The following UST variants were observed in gnomAD, a reference collection of about 807,000 sequenced individuals.
UST encodes chondroitin sulfate 2-O-sulfotransferase.
Under a neutral mutation model 45.6 loss-of-function variants are expected in UST, and 21 were observed. The observed-to-expected ratio is 0.46, with a 90% CI of 0.33 to 0.66. The LOEUF is 0.66. UST is among the 30% of genes least tolerant of loss of function. The probability of loss-of-function intolerance (pLI) is 0.02; values close to 1 mark genes in which losing one functional copy is unlikely to be tolerated. For missense variants in UST, 463 were observed against 512.4 expected (o/e 0.90, Z 0.93); for synonymous variants, 215 against 200.6 (o/e 1.07, Z -0.61).
chr6:148,948,400 G>T (rs949983834), intron 3 of UST, among the ~76,000 whole-genome samples: 1 of 152,314 alleles, frequency 6.6e-6, no homozygotes, highest in Admixed American at 6.5e-5. Context: ...AAGAAGTCAG[G>T]AGCAAAGTCT....
intron 5 of UST, among the ~76,000 whole-genome samples, chr6:148,993,378 GAA>G (rs11295482): frequency 1.3e-5 from 2 of 149,870 alleles, no homozygotes; most frequent in African/African-American, 2.5e-5. Context: ...TACTCTTTTT[GAA>G]AAAAAAAAAT....
chr6:148,858,824 A>G (rs1041939931), intron 1 of UST, among the ~76,000 whole-genome samples: 2 of 152,210 alleles, frequency 1.3e-5, no homozygotes, highest in African/African-American at 4.8e-5. Flanking sequence ...AAAGGACGTG[A>G]ACTCATCCTT....
chr6:148,972,369 A>C (rs1329280789), intron 5 of UST, among the ~76,000 whole-genome samples: 5 of 152,200 alleles, frequency 3.3e-5, no homozygotes, highest in Non-Finnish European at 7.4e-5. Flanking sequence ...GACTGTTCCA[A>C]GTGAAGTGAC....
At position 149,074,395 on chromosome 6, in the gene UST, A is replaced by C; in HGVS notation, c.*279A>C. ...AAACAGCTTTCCCCCACCCCATATC[A>C]TGGGAAAAGGGGGAGAAATATAGCC... On this transcript the variant is annotated 3_prime_UTR_variant, in exon 8 of 8. Transcript: ENST00000367463. 1 of 436,748 alleles carries C rather than the reference A, an allele frequency of 2.3e-6. No homozygotes were observed. The highest frequency in any genetic ancestry group is 3.7e-5 in the Admixed American group (1 of 26,794). 27.1% of individuals were successfully genotyped at this position (436,748 alleles called of 1,614,324 possible).
chr6:148,868,301 G>A (rs750069294), intron 1 of UST, among the ~76,000 whole-genome samples: 8 of 152,174 alleles, frequency 5.3e-5, no homozygotes, highest in Non-Finnish European at 8.8e-5. Context: ...TGGAATTCAC[G>A]AATGTGTTTT....
chr6:148,756,619 C>T (rs1169228682), intron 1 of UST, among the ~76,000 whole-genome samples: 1 of 152,208 alleles, frequency 6.6e-6, no homozygotes, highest in Non-Finnish European at 1.5e-5. Flanking sequence ...TAGGAAGGTA[C>T]AATTCCAATT....
At chr6:149,005,623 C>T (rs1179196445) in intron 5 of UST, 3 of 984,404 alleles carry the variant, frequency 3.0e-6, no homozygotes, top group Middle Eastern at 5.2e-4. Flanking sequence ...CCCTCCCTCT[C>T]TCCACCACCA....
chr6:148,889,923 C>G (rs774277569), intron 2 of UST, among the ~76,000 whole-genome samples: 2 of 152,032 alleles, frequency 1.3e-5, no homozygotes, highest in African/African-American at 2.4e-5. Flanking sequence ...CTCCCCCAAC[C>G]CCTAACTAAA....
chr6:148,899,913 T>A (rs989174038), intron 2 of UST, among the ~76,000 whole-genome samples: 1 of 152,096 alleles, frequency 6.6e-6, no homozygotes. Context: ...ATCACCCTTC[T>A]GTGCCATCTA....
At position 149,073,864 on chromosome 6, in the gene UST, G is replaced by C. The variant is rs759024450; in HGVS notation, c.969G>C (p.Thr323=). Residue 323 remains threonine (T), a synonymous_variant, in exon 8 of 8, where the codon ACG becomes ACC. Coordinates refer to ENST00000367463, the MANE Select transcript of UST (RefSeq NM_005715.3). The stretch of plus-strand genomic sequence containing the variant: ...GGAAGCTTGGAAACATGACTGTGAC[G>C]GTGAAGAAGACTGTCCCCTCTCCTG... ...EHRKLGNMTV[T]VKKTVPSPEA... 6.2e-7 allele frequency: 1 copy of C among 1,613,958 alleles called. No homozygotes were observed. Among genetic ancestry groups the C allele is most frequent in the Admixed American group, 1.7e-5 (1 of 60,012 alleles).
intron 7 of UST, among the ~76,000 whole-genome samples, chr6:149,039,453 C>T (rs192010304): frequency 1.6e-4 from 24 of 152,162 alleles, no homozygotes; most frequent in Middle Eastern, 3.4e-3. Flanking sequence ...CTCAAACTCC[C>T]GACCTTAGGT....
At chr6:148,787,946 T>C (rs937723351) in intron 1 of UST, among the ~76,000 whole-genome samples, 6 of 152,256 alleles carry the variant, frequency 3.9e-5, no homozygotes, top group African/African-American at 1.4e-4. Context: ...TCTTGAATTT[T>C]TAAGTCAGTT....
intron 2 of UST, among the ~76,000 whole-genome samples, chr6:148,907,644 T>C (rs949882383): frequency 1.3e-5 from 2 of 152,172 alleles, no homozygotes; most frequent in African/African-American, 4.8e-5. Context: ...TGGCCTTCAG[T>C]CATTTCTTTG....
At chr6:148,824,143 T>C (rs961884170) in intron 1 of UST, among the ~76,000 whole-genome samples, 11 of 152,222 alleles carry the variant, frequency 7.2e-5, no homozygotes, top group Admixed American at 7.2e-4. Flanking sequence ...CATCTGAGTG[T>C]ATTTAGCTTC....
At chr6:148,749,896 C>G (rs972769332) in intron 1 of UST, among the ~76,000 whole-genome samples, 1 of 152,098 alleles carries the variant, frequency 6.6e-6, no homozygotes, top group Admixed American at 6.6e-5. Context: ...ATAGAATACC[C>G]TTGGCCAAAT....
chr6:148,907,277 A>G (rs944697559), intron 2 of UST, among the ~76,000 whole-genome samples: 1 of 152,248 alleles, frequency 6.6e-6, no homozygotes, highest in Non-Finnish European at 1.5e-5. Context: ...TGCATTTAAG[A>G]TAAGAAATTT....
At chr6:148,847,037 A>G (rs1778004101) in intron 1 of UST, among the ~76,000 whole-genome samples, 1 of 152,242 alleles carries the variant, frequency 6.6e-6, no homozygotes, top group African/African-American at 2.4e-5. Context: ...TCTGACATGA[A>G]CAGTTCACTT....
Position 149,059,190 on chromosome 6 carries a change from G to A in UST, c.938-14643G>A, listed in dbSNP as rs961999175. Among the ~76,000 whole-genome samples, 3 of 152,170 alleles carry A rather than the reference G, an allele frequency of 2.0e-5. No homozygotes were observed. The South Asian group carries it at 6.2e-4, about 32-fold the overall frequency. On this transcript the variant is annotated intron_variant, in intron 7 of 7. Transcript: ENST00000367463. ...AGCGTGTGTGTCTGGGCCAGGAGGA[G>A]TTGAGCTTGGCCATCTCCTCCAGCC... is the stretch of plus-strand genomic sequence containing the variant.
intron 5 of UST, among the ~76,000 whole-genome samples, chr6:148,970,454 G>T (rs1469772858): frequency 6.6e-6 from 1 of 152,154 alleles, no homozygotes; most frequent in African/African-American, 2.4e-5. Context: ...CTGAGTGGTG[G>T]TGAAGATCAA....
Sources: allele counts gnomAD v4.1 joint callset (sites outside exome capture counted in the v4.1 genomes callset), GRCh38; gene constraint gnomAD v4.1.1; transcripts MANE v1.5; gene names NCBI Gene and HGNC (gene_info 2026-07-23, HGNC 2026-07-21).